The following CCBE1 variants were observed in gnomAD, a reference collection of about 807,000 sequenced individuals.
CCBE1 encodes collagen and calcium-binding EGF domain-containing protein 1.
In CCBE1, 37 loss-of-function variants were observed where a neutral mutation model predicts 50.0. That is an observed-to-expected ratio of 0.74 (90% CI 0.57 to 0.97). The LOEUF is 0.97. Among genes scored for constraint, CCBE1 ranks in the 50% least tolerant of loss-of-function variants. The probability of loss-of-function intolerance (pLI) is 0.00; values close to 1 mark genes in which losing one functional copy is unlikely to be tolerated. For synonymous variants in CCBE1, 234 were observed against 203.7 expected (o/e 1.15, Z -1.27); for missense variants, 538 against 523.8 (o/e 1.03, Z -0.26).
At chr18:59,442,188 A>C (rs1281287754) in intron 7 of CCBE1, among the ~76,000 whole-genome samples, 1 of 152,142 alleles carries the variant, frequency 6.6e-6, no homozygotes, top group African/African-American at 2.4e-5. Context: ...AGGCACAAAA[A>C]CAGATGACTT....
intron 2 of CCBE1, among the ~76,000 whole-genome samples, chr18:59,493,075 A>T (rs1449236841): frequency 1.3e-5 from 2 of 152,348 alleles, no homozygotes; most frequent in Non-Finnish European, 2.9e-5. Context: ...AGGAATCTGT[A>T]AATACAATTT....
At chr18:59,591,316 T>C (rs145749321) in intron 2 of CCBE1, among the ~76,000 whole-genome samples, 2 of 134,560 alleles carry the variant, frequency 1.5e-5, no homozygotes, top group South Asian at 5.1e-4. Context: ...AAGTTCCAGA[T>C]GCAACTGTTA....
At chr18:59,558,852 A>G (rs2052690351) in intron 2 of CCBE1, among the ~76,000 whole-genome samples, 1 of 152,252 alleles carries the variant, frequency 6.6e-6, no homozygotes, top group South Asian at 2.1e-4. Flanking sequence ...GGACAGTGGG[A>G]GAGTAAACTG....
intron 2 of CCBE1, among the ~76,000 whole-genome samples, chr18:59,554,106 C>T (rs905320051): frequency 3.3e-5 from 5 of 152,178 alleles, no homozygotes; most frequent in East Asian, 1.9e-4. Flanking sequence ...GGGCTCAAGC[C>T]GTCCTTCTGT....
intron 2 of CCBE1, among the ~76,000 whole-genome samples, chr18:59,486,823 G>A (rs953963018): frequency 1.3e-5 from 2 of 152,058 alleles, no homozygotes; most frequent in Non-Finnish European, 2.9e-5. Flanking sequence ...GAAGCAAGAG[G>A]TATATTCTTT....
chr18:59,674,806 A>C (rs1409632912), intron 2 of CCBE1, among the ~76,000 whole-genome samples: 5 of 152,212 alleles, frequency 3.3e-5, no homozygotes, highest in Non-Finnish European at 7.3e-5. Flanking sequence ...ATAAAATATA[A>C]CTGCTCTCAT....
chr18:59,533,330 C>T (rs1358289908), intron 2 of CCBE1, among the ~76,000 whole-genome samples: 1 of 152,026 alleles, frequency 6.6e-6, no homozygotes, highest in East Asian at 1.9e-4. Context: ...TTGAAATAGA[C>T]GAAAATTGAA....
rs144357523 is a variant in CCBE1 at position 59,455,234 on chromosome 18, C to G, written c.554-283G>C. On this transcript the variant is annotated intron_variant, in intron 5 of 10. Transcript: ENST00000439986. Reference sequence around the variant, plus strand: ...GATCTTCCTTTCATGTGTGAAAATGCGTACCATGGCCTTTTATCAGTGCTT... The same window carrying G: ...GATCTTCCTTTCATGTGTGAAAATGGGTACCATGGCCTTTTATCAGTGCTT... 7 of 506,862 alleles carry G rather than the reference C, an allele frequency of 1.4e-5. No homozygotes were observed. The East Asian group carries it at 2.7e-4, about 20-fold the overall frequency. 31.4% of individuals were successfully genotyped at this position (506,862 alleles called of 1,614,324 possible).
intron 1 of CCBE1, 53 bp downstream of exon 1, chr18:59,697,159 C>T: frequency 6.5e-7 from 1 of 1,545,694 alleles, no homozygotes; most frequent in Non-Finnish European, 8.7e-7. Context: ...ACCCCGCGAG[C>T]CGGGCGCGCA....
At chr18:59,690,991 C>T (rs751147787) in intron 2 of CCBE1, among the ~76,000 whole-genome samples, 4 of 152,202 alleles carry the variant, frequency 2.6e-5, no homozygotes, top group African/African-American at 9.7e-5. Flanking sequence ...GCGGATCTAA[C>T]TTGGAACCAA....
chr18:59,616,910 G>A (rs1353367987), intron 2 of CCBE1, among the ~76,000 whole-genome samples: 1 of 152,122 alleles, frequency 6.6e-6, no homozygotes, highest in Non-Finnish European at 1.5e-5. Context: ...CCAGACTTCA[G>A]CTTTCACATC....
intron 5 of CCBE1, among the ~76,000 whole-genome samples, chr18:59,457,737 A>C (rs1197305794): frequency 6.6e-6 from 1 of 152,192 alleles, no homozygotes; most frequent in African/African-American, 2.4e-5. Flanking sequence ...AGTTGTCCTG[A>C]AATTAAGTCC....
chr18:59,551,163 G>T (rs1007285839), intron 2 of CCBE1, among the ~76,000 whole-genome samples: 1 of 152,100 alleles, frequency 6.6e-6, no homozygotes, highest in Non-Finnish European at 1.5e-5. Flanking sequence ...AAACCTAGAT[G>T]GCATAGCCTG....
intron 3 of CCBE1, among the ~76,000 whole-genome samples, chr18:59,478,528 G>A (rs936523402): frequency 6.6e-6 from 1 of 152,178 alleles, no homozygotes; most frequent in African/African-American, 2.4e-5. Flanking sequence ...TTCAGCATGT[G>A]TGACCACTTT....
intron 2 of CCBE1, among the ~76,000 whole-genome samples, chr18:59,538,946 G>C (rs1011478078): frequency 1.3e-5 from 2 of 152,158 alleles, no homozygotes; most frequent in African/African-American, 4.8e-5. Context: ...GGGAGGCTGA[G>C]ACAGGAGGAC....
intron 2 of CCBE1, among the ~76,000 whole-genome samples, chr18:59,635,560 T>C (rs928624716): frequency 1.3e-5 from 2 of 151,884 alleles, no homozygotes; most frequent in African/African-American, 4.8e-5. Context: ...ACAGATACAA[T>C]AGAAAGGGAT....
At chr18:59,646,655 TAAG>T (rs1021743259) in intron 2 of CCBE1, among the ~76,000 whole-genome samples, 2 of 152,190 alleles carry the variant, frequency 1.3e-5, no homozygotes, top group African/African-American at 2.4e-5. Flanking sequence ...CTAATACAGT[TAAG>T]AATAGCTGCC....
At position 59,687,954 on chromosome 18, in the gene CCBE1, T is replaced by C. The variant is rs113302225; in HGVS notation, c.212+8675A>G. On this transcript the variant is annotated intron_variant, in intron 2 of 10. Transcript: ENST00000439986. The stretch of plus-strand genomic sequence containing the variant: ...CCAGCTTGGGCAACAGAGATTCCAT[T>C]TGAAAAAAAAGAAATTCTTAAGTTT... 8.9e-3 allele frequency among the ~76,000 whole-genome samples: 1,361 copies of C among 152,154 alleles called. 11 individuals are homozygous for C. Among genetic ancestry groups the C allele is most frequent in the African/African-American group, 0.028 (1,172 of 41,514 alleles).
rs557996879 is a variant in CCBE1 at position 59,674,400 on chromosome 18, A to G, written c.212+22229T>C. Among the ~76,000 whole-genome samples, 21 of 152,300 alleles carry G rather than the reference A, an allele frequency of 1.4e-4. 2 individuals carry two copies. The South Asian group carries it at 4.4e-3, about 32-fold the overall frequency. On this transcript the variant is annotated intron_variant, in intron 2 of 10. Transcript: ENST00000439986. ...AACCAAACGCAGCATGTTCTCACTT[A>G]TAAGTGGGAGTTGAACAATGAGAAC... is the stretch of plus-strand genomic sequence containing the variant.
Sources: gnomAD v4.1 joint callset for allele counts (sites outside exome capture counted in the v4.1 genomes callset) on GRCh38, gnomAD v4.1.1 for gene constraint, MANE v1.5 for transcripts, NCBI Gene and HGNC (gene_info 2026-07-23, HGNC 2026-07-21) for gene names.